ASPH: variants seen among roughly 807,000 people sequenced by gnomAD.
ASPH encodes aspartyl/asparaginyl beta-hydroxylase.
In ASPH, 100 loss-of-function variants were observed where a neutral mutation model predicts 118.4. The ratio of observed to expected loss-of-function variants is 0.84; its 90% CI spans 0.72 to 1.00. ASPH has a LOEUF of 1.00. Among genes scored for constraint, ASPH ranks in the 50% least tolerant of loss-of-function variants. The probability of loss-of-function intolerance (pLI) is 0.00; values close to 1 mark genes in which losing one functional copy is unlikely to be tolerated. For synonymous variants in ASPH, 315 were observed against 325.6 expected (o/e 0.97, Z 0.35); for missense variants, 920 against 919.5 (o/e 1.00, Z -0.01).
At position 61,651,401 on chromosome 8, in the gene ASPH, A is replaced by G. The variant is rs2151105360; in HGVS notation, c.416-277T>C. 9.8e-6 allele frequency: 3 copies of G among 305,346 alleles called. No homozygotes were observed. The South Asian group carries it at 3.4e-4, about 34-fold the overall frequency. 18.9% of individuals were successfully genotyped at this position (305,346 alleles called of 1,614,324 possible). ...AGGCTCAGATTTGTATTTAAAAAAG[A>G]GCCTTATTAAAAGCAAAATGACTTG... is the stretch of plus-strand genomic sequence containing the variant. On this transcript the variant is annotated intron_variant, in intron 4 of 24. Coordinates refer to ENST00000379454, the MANE Select transcript of ASPH (RefSeq NM_004318.4).
chr8:61,649,899 T>C (rs1207323365), intron 5 of ASPH, among the ~76,000 whole-genome samples: 1 of 152,168 alleles, frequency 6.6e-6, no homozygotes, highest in African/African-American at 2.4e-5. Flanking sequence ...CTTTTTCTCA[T>C]GACTCTCCAC....
chr8:61,644,934 T>C lies in ASPH; in HGVS notation c.620-302A>G, dbSNP rs1387377412. 8.5e-5 allele frequency among the ~76,000 whole-genome samples: 13 copies of C among 152,318 alleles called. No individual in the cohort carries two copies. In the East Asian group the frequency reaches 2.3e-3, roughly 27 times the overall value. ...CCAGACCAGGAAAGCCGTTCATTTC[T>C]AATCCACTTCACAACCCACTAGAAT... is the stretch of plus-strand genomic sequence containing the variant. On this transcript the variant is annotated intron_variant, in intron 6 of 24. Transcript: ENST00000379454.
At position 61,599,536 on chromosome 8, in the gene ASPH, GA is replaced by G. The variant is rs536405811; in HGVS notation, c.977-15508del. The stretch of plus-strand genomic sequence containing the variant: ...ATAAAATACTAGCTAGAATGACTAA[GA>G]AAAAAAAGGAGAGAAGACCCAAATA... On this transcript the variant is annotated intron_variant, in intron 14 of 24. Transcript: ENST00000379454. 1.8e-3 allele frequency among the ~76,000 whole-genome samples: 259 copies of G among 142,396 alleles called. 2 individuals are homozygous for G. Among genetic ancestry groups the G allele is most frequent in the Middle Eastern group, 7.5e-3 (2 of 268 alleles). 93.4% of individuals were successfully genotyped at this position (142,396 alleles called of 152,430 possible). A position where few individuals can be genotyped will look rare whatever the true frequency, so the allele number is the denominator to read the frequency against.
rs1213651504 is a variant in ASPH, at chr8:61,500,810, A to AAAAT, written c.*2545_*2548dup. ...AATATTTTAGTTAATAATGGGCAGT[A>AAAAT]AAATATGATTTTACATTATTTTAAA... is the stretch of plus-strand genomic sequence containing the variant. On this transcript the variant is annotated 3_prime_UTR_variant, in exon 25 of 25. Transcript: ENST00000379454. 1 of 152,236 alleles carries AAAAT rather than the reference A, an allele frequency of 6.6e-6. No homozygotes were observed. Among genetic ancestry groups the AAAAT allele is most frequent in the African/African-American group, 2.4e-5 (1 of 41,470 alleles). 9.4% of individuals were successfully genotyped at this position (152,236 alleles called of 1,614,324 possible). A position where few individuals can be genotyped will look rare whatever the true frequency, so the allele number is the denominator to read the frequency against.
chr8:61,706,404 C>CAAAAAA (rs55731088), intron 1 of ASPH, among the ~76,000 whole-genome samples: 43 of 70,546 alleles, frequency 6.1e-4, no homozygotes, highest in East Asian at 9.3e-4. Context: ...GGTCATGACT[C>CAAAAAA]AAAAAAAAAA....
chr8:61,512,836 T>C (rs1809426257), intron 24 of ASPH, among the ~76,000 whole-genome samples: 1 of 152,234 alleles, frequency 6.6e-6, no homozygotes, highest in Admixed American at 6.5e-5. Flanking sequence ...TCAATACACA[T>C]ATATAGACAT....
intron 15 of ASPH, chr8:61,583,486 G>T: frequency 6.5e-6 from 1 of 153,062 alleles, no homozygotes; most frequent in Non-Finnish European, 1.4e-5. Context: ...GGAAGCAGAG[G>T]TTCCAGTTAG....
intron 14 of ASPH, among the ~76,000 whole-genome samples, chr8:61,585,229 AG>A (rs1234929165): frequency 1.3e-5 from 2 of 152,206 alleles, no homozygotes; most frequent in Non-Finnish European, 2.9e-5. Flanking sequence ...AGCAGGTGAG[AG>A]GGCCAGTCCT....
chr8:61,704,786 C>T (rs1401561344), intron 1 of ASPH, among the ~76,000 whole-genome samples: 1 of 152,062 alleles, frequency 6.6e-6, no homozygotes, highest in Non-Finnish European at 1.5e-5. Flanking sequence ...CACGGCATAC[C>T]CACCAGAATG....
chr8:61,714,150 C>T (rs927039226), intron 1 of ASPH, 119 bp downstream of exon 1: 17 of 1,262,754 alleles, frequency 1.3e-5, no homozygotes, highest in African/African-American at 7.8e-5. Flanking sequence ...AGGAGCGTCG[C>T]GGGGGATGGA....
intron 1 of ASPH, among the ~76,000 whole-genome samples, chr8:61,704,057 T>G (rs945393422): frequency 7.3e-5 from 11 of 149,776 alleles, no homozygotes; most frequent in Admixed American, 2.0e-4. Flanking sequence ...TAGCCGGGCG[T>G]AGTGGCGGGC....
At position 61,714,378 on chromosome 8, in the gene ASPH, G is replaced by C. The variant is rs1162389713; in HGVS notation, c.-7C>G. On this transcript the variant is annotated 5_prime_UTR_variant, in exon 1 of 25. Coordinates refer to ENST00000379454, the MANE Select transcript of ASPH (RefSeq NM_004318.4). ...CATTCTTACGCTGGGCCATTGCACG[G>C]TCCGCGGGGGCTGGTGAGGGCTGGC... is the stretch of plus-strand genomic sequence containing the variant. The C allele has an allele frequency of 6.7e-7, 1 of 1,502,312 alleles. No individual in the cohort carries two copies. The highest frequency in any genetic ancestry group is 1.3e-5 in the South Asian group (1 of 79,628). 93.1% of individuals were successfully genotyped at this position (1,502,312 alleles called of 1,614,324 possible).
chr8:61,565,189 T>C (rs979134713), intron 17 of ASPH, among the ~76,000 whole-genome samples: 6 of 152,222 alleles, frequency 3.9e-5, no homozygotes, highest in African/African-American at 1.2e-4. Flanking sequence ...TCTGATGATA[T>C]ATGATATGAT....
Position 61,563,669 on chromosome 8 carries a change from C to T in ASPH, c.1301-789G>A, listed in dbSNP as rs1243414003. Among the ~76,000 whole-genome samples, 5 of 152,220 alleles carry T rather than the reference C, an allele frequency of 3.3e-5. No homozygotes were observed. In the East Asian group the frequency reaches 5.8e-4, roughly 18 times the overall value. On this transcript the variant is annotated intron_variant, in intron 17 of 24. Transcript: ENST00000379454. ...CATAAAGCATCACCAACTCATCCGA[C>T]GGCCTATGCCCCATTACCAGCCAAT... is the stretch of plus-strand genomic sequence containing the variant.
intron 21 of ASPH, among the ~76,000 whole-genome samples, chr8:61,528,855 G>A (rs1342512343): frequency 6.6e-6 from 1 of 152,110 alleles, no homozygotes; most frequent in Non-Finnish European, 1.5e-5. Context: ...TGACAGACTC[G>A]TGCTCAAAAG....
chr8:61,517,711 GAACTGCT>G, intron 23 of ASPH, 50 bp from the exon 24 acceptor site: 1 of 1,587,138 alleles, frequency 6.3e-7, no homozygotes, highest in Middle Eastern at 1.7e-4. Flanking sequence ...AGGTGTGGAG[GAACTGCT>G]AAGTTAAGGT....
intron 3 of ASPH, chr8:61,680,544 C>G (rs573910615): frequency 6.6e-6 from 1 of 152,094 alleles, no homozygotes; most frequent in Admixed American, 6.6e-5. Context: ...TTTATTATCA[C>G]TTTTATTTCA....
At chr8:61,605,449 A>G (rs551848918) in intron 14 of ASPH, among the ~76,000 whole-genome samples, 1 of 152,364 alleles carries the variant, frequency 6.6e-6, no homozygotes, top group South Asian at 2.1e-4. Flanking sequence ...TGTTTTATAC[A>G]TGGGAGAAAA....
intron 3 of ASPH, among the ~76,000 whole-genome samples, chr8:61,655,189 TG>T (rs1813002219): frequency 6.6e-6 from 1 of 152,166 alleles, no homozygotes; most frequent in African/African-American, 2.4e-5. Context: ...CCCAGTGGTG[TG>T]ACTACTCTGC....
Sources: allele counts gnomAD v4.1 joint callset (sites outside exome capture counted in the v4.1 genomes callset), GRCh38; gene constraint gnomAD v4.1.1; transcripts MANE v1.5; gene names NCBI Gene and HGNC (gene_info 2026-07-23, HGNC 2026-07-21).